Variants in WWOX observed in about 807,000 individuals in gnomAD.
WWOX encodes WW domain-containing oxidoreductase.
Under a neutral mutation model 46.2 loss-of-function variants are expected in WWOX, and 69 were observed. That is an observed-to-expected ratio of 1.49 (90% CI 1.23 to 1.82). The LOEUF (loss-of-function observed/expected upper bound fraction) is 1.82, where lower values mean the gene tolerates loss of function less well. WWOX is among the 40% of genes most tolerant of loss of function. WWOX has a pLI of 0.00. For synonymous variants in WWOX, 359 were observed against 202.6 expected, an observed-to-expected ratio of 1.77 and a Z score of -6.56; for missense variants, 919 against 542.6, an observed-to-expected ratio of 1.69 and a Z score of -6.89.
intron 8 of WWOX, among the ~76,000 whole-genome samples, chr16:79,157,181 C>G (rs1418442658): frequency 6.6e-6 from 1 of 152,194 alleles, no homozygotes; most frequent in Admixed American, 6.5e-5. Flanking sequence ...GAAATTGTGA[C>G]TATGAATTCC....
At chr16:78,148,495 C>T (rs2034284956) in intron 4 of WWOX, among the ~76,000 whole-genome samples, 1 of 151,430 alleles carries the variant, frequency 6.6e-6, no homozygotes, top group South Asian at 2.1e-4. Context: ...AGGTCTCTGC[C>T]TCTAAAAAGC....
At chr16:79,118,498 A>C (rs1021313523) in intron 8 of WWOX, among the ~76,000 whole-genome samples, 2 of 152,222 alleles carry the variant, frequency 1.3e-5, no homozygotes, top group African/African-American at 2.4e-5. Flanking sequence ...CCATTGGAAA[A>C]ATGGTGCCGA....
At chr16:78,807,539 C>G (rs771152794) in intron 8 of WWOX, among the ~76,000 whole-genome samples, 1 of 152,180 alleles carries the variant, frequency 6.6e-6, no homozygotes, top group South Asian at 2.1e-4. Context: ...TTCTAATTAA[C>G]GACAGTGGCT....
intron 8 of WWOX, among the ~76,000 whole-genome samples, chr16:79,042,257 T>G (rs1264587630): frequency 6.6e-6 from 1 of 152,194 alleles, no homozygotes; most frequent in Non-Finnish European, 1.5e-5. Context: ...TCCCAAAAGC[T>G]GAGGCTTCCT....
chr16:78,711,594 G>T (rs551754874), intron 8 of WWOX, among the ~76,000 whole-genome samples: 1 of 152,236 alleles, frequency 6.6e-6, no homozygotes, highest in Non-Finnish European at 1.5e-5. Context: ...AAACCTTAAC[G>T]CTTAAAAATG....
intron 8 of WWOX, among the ~76,000 whole-genome samples, chr16:78,744,384 G>A (rs974627796): frequency 2.7e-5 from 4 of 146,874 alleles, no homozygotes; most frequent in African/African-American, 7.5e-5. Context: ...GAAGACGCTT[G>A]AAGGGGCCAG....
At chr16:78,515,151 G>C (rs1029482456) in intron 8 of WWOX, among the ~76,000 whole-genome samples, 16 of 152,158 alleles carry the variant, frequency 1.1e-4, no homozygotes, top group African/African-American at 3.9e-4. Context: ...TTGAACCCGG[G>C]AGGCGGAGGT....
intron 8 of WWOX, among the ~76,000 whole-genome samples, chr16:78,729,600 G>A (rs1327997918): frequency 1.3e-5 from 2 of 152,044 alleles, no homozygotes; most frequent in Non-Finnish European, 2.9e-5. Flanking sequence ...GATACTGGAA[G>A]ATCTCTTCCA....
intron 8 of WWOX, among the ~76,000 whole-genome samples, chr16:78,541,298 C>A (rs955000119): frequency 3.3e-5 from 5 of 150,724 alleles, no homozygotes; most frequent in African/African-American, 7.3e-5. Context: ...AACGGTGAAA[C>A]CCCGTCTCTA....
chr16:78,653,373 G>C (rs1277559433), intron 8 of WWOX, among the ~76,000 whole-genome samples: 1 of 152,118 alleles, frequency 6.6e-6, no homozygotes, highest in Non-Finnish European at 1.5e-5. Flanking sequence ...AAAGTAATCA[G>C]AGCAGTAATA....
At chr16:78,628,892 G>T (rs1597369731) in intron 8 of WWOX, among the ~76,000 whole-genome samples, 1 of 152,110 alleles carries the variant, frequency 6.6e-6, no homozygotes, top group African/African-American at 2.4e-5. Flanking sequence ...GATGGTCCCA[G>T]GCCCCCTCCT....
chr16:78,583,410 A>G (rs2045113257), intron 8 of WWOX, among the ~76,000 whole-genome samples: 1 of 152,198 alleles, frequency 6.6e-6, no homozygotes, highest in Admixed American at 6.5e-5. Flanking sequence ...ATGAGATGCC[A>G]CTGTGGTATC....
chr16:79,143,670 A>G lies in WWOX; in HGVS notation c.1057-67938A>G, dbSNP rs141145858. On this transcript the variant is annotated intron_variant, in intron 8 of 8. Coordinates refer to ENST00000566780, the MANE Select transcript of WWOX (RefSeq NM_016373.4). ...GTATAGAGTGCCCATTATGTTTCAC[A>G]CCCTATGTCTTGTGTGTGGTGACTC... 2.6e-3 allele frequency among the ~76,000 whole-genome samples: 389 copies of G among 152,292 alleles called. 1 individual carries two copies. Among genetic ancestry groups the G allele is most frequent in the African/African-American group, 8.8e-3 (367 of 41,562 alleles).
chr16:79,067,301 G>A (rs1490069274), intron 8 of WWOX, among the ~76,000 whole-genome samples: 2 of 152,170 alleles, frequency 1.3e-5, no homozygotes, highest in African/African-American at 2.4e-5. Context: ...CCTTTGCAAG[G>A]TCCTGCATGA....
chr16:78,990,092 G>A (rs1426975924), intron 8 of WWOX, among the ~76,000 whole-genome samples: 1 of 151,524 alleles, frequency 6.6e-6, no homozygotes, highest in Non-Finnish European at 1.5e-5. Context: ...GCTGAAGTGG[G>A]AGGATCTTTA....
intron 8 of WWOX, among the ~76,000 whole-genome samples, chr16:78,820,234 T>A (rs1262435372): frequency 6.6e-6 from 1 of 152,146 alleles, no homozygotes; most frequent in African/African-American, 2.4e-5. Flanking sequence ...TCATGGACAC[T>A]GCTAAGTTTT....
At chr16:78,843,095 AT>A (rs908141375) in intron 8 of WWOX, among the ~76,000 whole-genome samples, 1 of 148,478 alleles carries the variant, frequency 6.7e-6, no homozygotes, top group Admixed American at 6.7e-5. Context: ...TCTCTTGTTA[AT>A]TTTTTTTTGG....
At chr16:79,141,087 A>C (rs914149782) in intron 8 of WWOX, among the ~76,000 whole-genome samples, 2 of 152,214 alleles carry the variant, frequency 1.3e-5, no homozygotes, top group African/African-American at 4.8e-5. Flanking sequence ...CTTAGGGCCA[A>C]CCTGCCTCCC....
intron 8 of WWOX, among the ~76,000 whole-genome samples, chr16:78,474,204 C>G (rs1450471757): frequency 6.6e-6 from 1 of 152,196 alleles, no homozygotes; most frequent in Non-Finnish European, 1.5e-5. Context: ...ATTACTAACA[C>G]CTCTCACATT....
Sources: allele counts gnomAD v4.1 joint callset (sites outside exome capture counted in the v4.1 genomes callset), GRCh38; gene constraint gnomAD v4.1.1; transcripts MANE v1.5; gene names NCBI Gene and HGNC (gene_info 2026-07-23, HGNC 2026-07-21).